The following ANO4 variants were observed in gnomAD, a reference collection of about 807,000 sequenced individuals.
The protein encoded by ANO4 is anoctamin 4.
In ANO4, 69 loss-of-function variants were observed where a neutral mutation model predicts 141.9. That is an observed-to-expected ratio of 0.49 (90% CI 0.40 to 0.59). The LOEUF (loss-of-function observed/expected upper bound fraction) is 0.59, where lower values mean the gene tolerates loss of function less well. ANO4 is among the 20% of genes least tolerant of loss of function. The pLI, the probability that ANO4 is intolerant of heterozygous loss-of-function variation, is 0.00. For synonymous variants in ANO4, 350 were observed against 394.3 expected (o/e 0.89, Z 1.33); for missense variants, 894 against 1,162.2 (o/e 0.77, Z 3.36).
chr12:100,931,989 C>CTTT (rs71437001), intron 3 of ANO4, among the ~76,000 whole-genome samples: 2 of 137,872 alleles, frequency 1.5e-5, no homozygotes, highest in Non-Finnish European at 3.2e-5. Context: ...CGGAGGTGTT[C>CTTT]TTTTTTTTTT....
intron 5 of ANO4, among the ~76,000 whole-genome samples, chr12:100,967,892 A>G (rs751059561): frequency 3.3e-5 from 5 of 152,190 alleles, no homozygotes; most frequent in Non-Finnish European, 7.3e-5. Context: ...GTTATCAGGT[A>G]TAATTCAAAA....
intron 1 of ANO4, among the ~76,000 whole-genome samples, chr12:100,833,350 A>G (rs1194379606): frequency 6.6e-6 from 1 of 152,162 alleles, no homozygotes; most frequent in Non-Finnish European, 1.5e-5. Flanking sequence ...ATATATTGTC[A>G]TTCACATGCA....
chr12:100,925,812 T>TATACATACATACATACATATAC (rs10622896), intron 3 of ANO4, among the ~76,000 whole-genome samples: 2 of 147,880 alleles, frequency 1.4e-5, no homozygotes, highest in Non-Finnish European at 3.0e-5. Context: ...TATACATACA[T>TATACATACATACATACATATAC]ATACATACAT....
rs532808699 is a variant in ANO4, at chr12:101,065,640, G to A, written c.1313-13553G>A. Among the ~76,000 whole-genome samples the A allele has an allele frequency of 3.3e-5, 5 of 152,200 alleles. No homozygotes were observed. The East Asian group carries it at 9.6e-4, about 29-fold the overall frequency. On this transcript the variant is annotated intron_variant, in intron 14 of 27. Coordinates refer to ENST00000392977, the MANE Select transcript of ANO4 (RefSeq NM_001286615.2). ...CTGAAAAGTCTCTCAGTAAAGAAAA[G>A]CCCAGGACCCAATTGCTTCACTGCT... is the stretch of plus-strand genomic sequence containing the variant.
intron 8 of ANO4, among the ~76,000 whole-genome samples, chr12:100,999,089 T>C (rs2045523453): frequency 6.6e-6 from 1 of 152,230 alleles, no homozygotes; most frequent in Non-Finnish European, 1.5e-5. Flanking sequence ...TAACATTGCA[T>C]GTTAGTTTTC....
intron 5 of ANO4, among the ~76,000 whole-genome samples, chr12:100,970,463 C>G (rs1047679990): frequency 2.0e-5 from 3 of 152,120 alleles, no homozygotes; most frequent in African/African-American, 7.2e-5. Flanking sequence ...GCGCTCATCC[C>G]ATGCTCTTTC....
intron 9 of ANO4, among the ~76,000 whole-genome samples, chr12:101,033,332 G>C (rs945037365): frequency 1.3e-5 from 2 of 152,012 alleles, no homozygotes; most frequent in African/African-American, 4.8e-5. Context: ...TGGGGGAAGG[G>C]GGGAGGGATA....
chr12:100,739,160 A>G (rs1454828864), intron 2 of ANO4, among the ~76,000 whole-genome samples: 2 of 148,976 alleles, frequency 1.3e-5, no homozygotes, highest in Admixed American at 6.7e-5. Flanking sequence ...ATATATATAA[A>G]AGTTTATATA....
At chr12:100,944,911 G>A (rs905706768) in intron 5 of ANO4, among the ~76,000 whole-genome samples, 9 of 152,078 alleles carry the variant, frequency 5.9e-5, no homozygotes, top group Non-Finnish European at 1.2e-4. Flanking sequence ...GAAACCGTTG[G>A]AAGTATTTTT....
intron 3 of ANO4, among the ~76,000 whole-genome samples, chr12:100,744,728 C>G (rs2032025624): frequency 6.6e-6 from 1 of 152,178 alleles, no homozygotes; most frequent in East Asian, 1.9e-4. Flanking sequence ...TTAATTATGT[C>G]TATTTTAGAA....
chr12:100,898,427 A>G (rs1218845342), intron 1 of ANO4, among the ~76,000 whole-genome samples: 1 of 152,150 alleles, frequency 6.6e-6, no homozygotes, highest in African/African-American at 2.4e-5. Flanking sequence ...CTTTATCTGT[A>G]CTTTGAGGAC....
At chr12:100,976,530 C>A (rs1434546099) in intron 7 of ANO4, among the ~76,000 whole-genome samples, 2 of 152,218 alleles carry the variant, frequency 1.3e-5, no homozygotes, top group Non-Finnish European at 2.9e-5. Flanking sequence ...CAAACTCCAG[C>A]CAGCATCAGA....
chr12:101,027,260 C>T (rs963235765), intron 9 of ANO4, among the ~76,000 whole-genome samples: 6 of 152,202 alleles, frequency 3.9e-5, no homozygotes, highest in African/African-American at 1.4e-4. Flanking sequence ...GAACCCACGC[C>T]ACTGGGACCT....
At chr12:100,850,367 T>C (rs1035764653) in intron 1 of ANO4, among the ~76,000 whole-genome samples, 1 of 152,328 alleles carries the variant, frequency 6.6e-6, no homozygotes, top group African/African-American at 2.4e-5. Flanking sequence ...ATTCCTCCTA[T>C]GCTTTCCATT....
chr12:100,840,362 A>C (rs181169868), intron 1 of ANO4, among the ~76,000 whole-genome samples: 1 of 152,274 alleles, frequency 6.6e-6, no homozygotes, highest in Non-Finnish European at 1.5e-5. Context: ...TAATCCTACC[A>C]TCTATATATA....
intron 2 of ANO4, chr12:100,733,902 C>A: frequency 1.5e-6 from 1 of 668,410 alleles, no homozygotes; most frequent in African/African-American, 1.8e-5. Flanking sequence ...AATATTATTG[C>A]CTGGAAAAGC....
chr12:100,947,923 C>A (rs1434055381), intron 5 of ANO4, among the ~76,000 whole-genome samples: 1 of 151,972 alleles, frequency 6.6e-6, no homozygotes, highest in Non-Finnish European at 1.5e-5. Flanking sequence ...GTGGCTCATG[C>A]CTATAATCCC....
intron 14 of ANO4, among the ~76,000 whole-genome samples, chr12:101,062,415 C>G (rs1265065660): frequency 6.6e-6 from 1 of 152,202 alleles, no homozygotes; most frequent in African/African-American, 2.4e-5. Context: ...GAGCACTGTG[C>G]TGGGAGATCT....
intron 8 of ANO4, among the ~76,000 whole-genome samples, chr12:101,011,570 A>G (rs906173353): frequency 4.6e-5 from 7 of 152,108 alleles, no homozygotes; most frequent in African/African-American, 1.7e-4. Flanking sequence ...AAGACAAGTT[A>G]CCTGCTCCCT....
Sources: gnomAD v4.1 joint callset for allele counts (sites outside exome capture counted in the v4.1 genomes callset) on GRCh38, gnomAD v4.1.1 for gene constraint, MANE v1.5 for transcripts, NCBI Gene and HGNC (gene_info 2026-07-23, HGNC 2026-07-21) for gene names.